Variants in KIAA0513 observed in about 807,000 individuals in gnomAD.
KIAA0513 encodes the protein KIAA0513.
A neutral mutation model predicts 56.5 loss-of-function variants in KIAA0513; 39 were observed. The ratio of observed to expected loss-of-function variants is 0.69; its 90% confidence interval spans 0.53 to 0.90. The LOEUF (loss-of-function observed/expected upper bound fraction) is 0.90, where lower values mean the gene tolerates loss of function less well. Ranked by LOEUF, KIAA0513 falls within the 40% of genes least tolerant of loss-of-function variation. The pLI is 0.00. For missense variants in KIAA0513, 591 were observed against 535.2 expected (o/e 1.10, Z -1.03); for synonymous variants, 268 against 215.6 (o/e 1.24, Z -2.13).
intron 1 of KIAA0513, among the ~76,000 whole-genome samples, chr16:85,035,243 A>G (rs1018182955): frequency 1.3e-5 from 2 of 152,050 alleles, no homozygotes; most frequent in African/African-American, 4.8e-5. Context: ...GCAGGTCAGA[A>G]GTGGCTCTGC....
intron 1 of KIAA0513, among the ~76,000 whole-genome samples, chr16:85,050,603 G>A (rs895372444): frequency 3.3e-5 from 5 of 152,076 alleles, no homozygotes; most frequent in Non-Finnish European, 7.4e-5. Context: ...GGCGTGAGCC[G>A]CCGTGCCCAG....
chr16:85,073,359 C>T (rs529794462), intron 4 of KIAA0513, among the ~76,000 whole-genome samples: 138 of 152,324 alleles, frequency 9.1e-4, no homozygotes, highest in African/African-American at 3.2e-3. Context: ...ACTCAACCAC[C>T]CACCCCACTA....
intron 1 of KIAA0513, among the ~76,000 whole-genome samples, chr16:85,053,589 A>C (rs535403522): frequency 6.6e-6 from 1 of 152,254 alleles, no homozygotes; most frequent in East Asian, 1.9e-4. Flanking sequence ...AAACTTAACA[A>C]CTCATCAGTC....
At chr16:85,074,474 C>T (rs2073628010) in intron 4 of KIAA0513, among the ~76,000 whole-genome samples, 1 of 152,168 alleles carries the variant, frequency 6.6e-6, no homozygotes, top group South Asian at 2.1e-4. Context: ...TGAAACACCA[C>T]ACCCAGCCTG....
rs1381914722 is a variant in KIAA0513 at position 85,093,272 on chromosome 16, G to C, written c.*4947G>C. 1 of 151,690 alleles carries C rather than the reference G, an allele frequency of 6.6e-6. No homozygotes were observed. The highest frequency in any genetic ancestry group is 1.5e-5 in the Non-Finnish European group (1 of 67,928). 9.4% of individuals were successfully genotyped at this position (151,690 alleles called of 1,614,324 possible). A position where few individuals can be genotyped will look rare whatever the true frequency, so the allele number is the denominator to read the frequency against. On this transcript the variant is annotated 3_prime_UTR_variant, in exon 13 of 13. Transcript: ENST00000683363. ...CACAGGGGCTGGGGGTGGGGGTGGG[G>C]TTTCTTAGTTACTGTTGGAAAGGGA...
rs745827313 is a variant in KIAA0513, at chr16:85,077,591, G to T, written c.741G>T (p.Gly247=). The change falls in exon 6 of 13, where the codon GGG becomes GGT. Residue 247 remains glycine (G), a synonymous_variant. Transcript: ENST00000683363. ...RTENVKGFFG[G]LETKLKGPLA... is the part of the protein sequence containing the mutation. ...AGAATGTCAAGGGCTTCTTCGGGGG[G>T]CTGGAGACCAAGCTGAAGGGGCCCC... 2.3e-5 allele frequency: 37 copies of T among 1,613,768 alleles called. No individual in the cohort carries two copies. The Admixed American group carries it at 4.7e-4, about 20-fold the overall frequency.
At chr16:85,044,696 G>A (rs1001279123) in intron 1 of KIAA0513, among the ~76,000 whole-genome samples, 2 of 151,574 alleles carry the variant, frequency 1.3e-5, no homozygotes, top group Admixed American at 6.6e-5. Context: ...TAGTAGAGAC[G>A]GGGGTTTCAC....
In KIAA0513 at chr16:85,090,512, T is replaced by C. The variant is rs1321482830; in HGVS notation, c.*2187T>C. On this transcript the variant is annotated 3_prime_UTR_variant, in exon 13 of 13. Transcript: ENST00000683363. ...AAGGCAGCGCTGACTTCGTTGGGCT[T>C]TTTTCCAAGCACTTTAACTTCAGAA... is the stretch of plus-strand genomic sequence containing the variant. 1.3e-5 allele frequency: 2 copies of C among 152,218 alleles called. No individual in the cohort carries two copies. Among genetic ancestry groups the C allele is most frequent in the African/African-American group, 4.8e-5 (2 of 41,466 alleles). 9.4% of individuals were successfully genotyped at this position (152,218 alleles called of 1,614,324 possible). A position where few individuals can be genotyped will look rare whatever the true frequency, so the allele number is the denominator to read the frequency against.
At chr16:85,080,895 T>C (rs970622028) in intron 8 of KIAA0513, among the ~76,000 whole-genome samples, 9 of 152,252 alleles carry the variant, frequency 5.9e-5, no homozygotes, top group Admixed American at 2.0e-4. Context: ...CTGGTTGCCA[T>C]TGATGTTACT....
chr16:85,071,730 G>A, intron 2 of KIAA0513, 53 bp from the exon 3 acceptor site: 2 of 1,405,300 alleles, frequency 1.4e-6, no homozygotes, highest in South Asian at 2.6e-5. Context: ...TTGCTCCAGG[G>A]GATTGAAAAG....
At chr16:85,057,378 T>C (rs62049874) in intron 1 of KIAA0513, among the ~76,000 whole-genome samples, 24,061 of 152,204 alleles carry the variant, frequency 0.16, 2,445 homozygotes, top group South Asian at 0.22. Flanking sequence ...CATCACCAAG[T>C]GTACAGGGCG....
chr16:85,079,452 T>C (rs1343898784), intron 8 of KIAA0513: 1 of 174,196 alleles, frequency 5.7e-6, no homozygotes, highest in African/African-American at 2.3e-5. Context: ...CATGGACTAT[T>C]AGCCAGCCAT....
rs780691599 is a variant in KIAA0513, at chr16:85,067,420, G to A, written c.329+20G>A. ...TGGAGGGTAAGGGGCCTGTGTGGACGAGACAGCCTGGTGTGGCCACAGGGC... is the reference window on the plus strand; with the variant it reads ...TGGAGGGTAAGGGGCCTGTGTGGACAAGACAGCCTGGTGTGGCCACAGGGC... On this transcript the variant is annotated intron_variant, in intron 2 of 12. Transcript: ENST00000683363. 8.3e-6 allele frequency: 13 copies of A among 1,569,188 alleles called. No individual in the cohort carries two copies. The highest frequency in any genetic ancestry group is 2.3e-5 in the South Asian group (2 of 87,206).
At chr16:85,072,036 A>C (rs1477176627) in intron 3 of KIAA0513, among the ~76,000 whole-genome samples, 154 bp downstream of exon 3, 1 of 152,044 alleles carries the variant, frequency 6.6e-6, no homozygotes. Flanking sequence ...ATCCAAAAAT[A>C]CTCTGAAAAG....
At chr16:85,082,467 G>C (rs1282410586) in intron 9 of KIAA0513, 97 bp from the exon 10 acceptor site, 2 of 1,206,258 alleles carry the variant, frequency 1.7e-6, no homozygotes, top group Non-Finnish European at 2.4e-6. Flanking sequence ...GTTTCTGCCT[G>C]TAATAACCCT....
intron 1 of KIAA0513, among the ~76,000 whole-genome samples, chr16:85,042,742 A>G (rs1043946622): frequency 6.6e-6 from 1 of 152,232 alleles, no homozygotes; most frequent in Non-Finnish European, 1.5e-5. Context: ...AATAGTCCAG[A>G]CCAGCATGGC....
intron 1 of KIAA0513, among the ~76,000 whole-genome samples, chr16:85,064,618 T>A (rs1244591801): frequency 2.0e-5 from 3 of 152,250 alleles, no homozygotes; most frequent in Non-Finnish European, 2.9e-5. Context: ...ACCTTGTGGC[T>A]TTAATTTGCA....
At chr16:85,046,069 C>G (rs2073166869) in intron 1 of KIAA0513, among the ~76,000 whole-genome samples, 1 of 152,202 alleles carries the variant, frequency 6.6e-6, no homozygotes, top group African/African-American at 2.4e-5. Flanking sequence ...TTGATCTTGC[C>G]TGCATTCTGG....
chr16:85,087,231 C>T, intron 12 of KIAA0513, 65 bp downstream of exon 12: 2 of 1,318,140 alleles, frequency 1.5e-6, no homozygotes, highest in Non-Finnish European at 2.2e-6. Flanking sequence ...AGTGCTGTGC[C>T]CGCTGGCGCT....
Sources: allele counts gnomAD v4.1 joint callset (sites outside exome capture counted in the v4.1 genomes callset), GRCh38; gene constraint gnomAD v4.1.1; transcripts MANE v1.5; gene names NCBI Gene and HGNC (gene_info 2026-07-23, HGNC 2026-07-21).